The following HS6ST3 variants were observed in gnomAD, a reference collection of about 807,000 sequenced individuals.
HS6ST3 encodes the protein heparan sulfate 6-O-sulfotransferase 3, also known as heparan-sulfate 6-O-sulfotransferase 3.
HS6ST3 carries 12 observed loss-of-function variants against 36.7 expected under a neutral mutation model. That is an observed-to-expected ratio of 0.33 (90% confidence interval 0.21 to 0.53). HS6ST3 has a LOEUF of 0.53. Among genes scored for constraint, HS6ST3 ranks in the 20% least tolerant of loss-of-function variants. The probability of loss-of-function intolerance (pLI) is 0.95; values close to 1 mark genes in which losing one functional copy is unlikely to be tolerated. For missense variants in HS6ST3, 584 were observed against 640.9 expected (o/e 0.91, Z 0.96); for synonymous variants, 240 against 257.5 (o/e 0.93, Z 0.65).
At chr13:96,426,580 C>T (rs1291381674) in intron 1 of HS6ST3, among the ~76,000 whole-genome samples, 1 of 152,228 alleles carries the variant, frequency 6.6e-6, no homozygotes, top group South Asian at 2.1e-4. Flanking sequence ...TTTAAAGGGA[C>T]TAGAGGAAAT....
At chr13:96,670,560 G>A (rs2138430834) in intron 1 of HS6ST3, among the ~76,000 whole-genome samples, 1 of 152,064 alleles carries the variant, frequency 6.6e-6, no homozygotes, top group East Asian at 1.9e-4. Context: ...GGGAGAGGAT[G>A]GAATACAAAC....
intron 1 of HS6ST3, among the ~76,000 whole-genome samples, chr13:96,171,287 C>A (rs2054186508): frequency 6.6e-6 from 1 of 152,182 alleles, no homozygotes; most frequent in South Asian, 2.1e-4. Flanking sequence ...TTCCTCGACC[C>A]TTTCTCACCC....
chr13:96,676,077 A>G (rs1230048053), intron 1 of HS6ST3, among the ~76,000 whole-genome samples: 2 of 152,190 alleles, frequency 1.3e-5, no homozygotes, highest in Admixed American at 1.3e-4. Context: ...TTCTTGGAAC[A>G]GGGTCCCTGT....
chr13:96,404,792 C>T (rs969542214), intron 1 of HS6ST3, among the ~76,000 whole-genome samples: 3 of 152,120 alleles, frequency 2.0e-5, no homozygotes, highest in Non-Finnish European at 4.4e-5. Context: ...AACGCAAGGG[C>T]AGGTGATATG....
intron 1 of HS6ST3, among the ~76,000 whole-genome samples, chr13:96,205,827 G>T (rs1046659674): frequency 2.0e-4 from 30 of 152,054 alleles, no homozygotes; most frequent in African/African-American, 5.8e-4. Flanking sequence ...AATATTAAGA[G>T]CCATATATGA....
intron 1 of HS6ST3, among the ~76,000 whole-genome samples, chr13:96,485,399 G>A (rs1451359523): frequency 6.6e-6 from 1 of 152,044 alleles, no homozygotes; most frequent in Non-Finnish European, 1.5e-5. Context: ...CCATGCTGGT[G>A]TTAGGGAAGC....
chr13:96,758,562 T>C (rs765914651), intron 1 of HS6ST3, among the ~76,000 whole-genome samples: 11 of 151,928 alleles, frequency 7.2e-5, no homozygotes, highest in Non-Finnish European at 1.2e-4. Context: ...TCCCACAAAT[T>C]TTGATGTTTT....
At chr13:96,661,916 T>C (rs956348401) in intron 1 of HS6ST3, among the ~76,000 whole-genome samples, 2 of 152,152 alleles carry the variant, frequency 1.3e-5, no homozygotes, top group African/African-American at 4.8e-5. Context: ...ATATTGAAAA[T>C]AGGATGCCAA....
At chr13:96,769,311 T>G (rs527460776) in intron 1 of HS6ST3, among the ~76,000 whole-genome samples, 4 of 152,216 alleles carry the variant, frequency 2.6e-5, no homozygotes, top group Admixed American at 2.6e-4. Flanking sequence ...ATTTTTTTAT[T>G]ATACTTTAAG....
intron 1 of HS6ST3, among the ~76,000 whole-genome samples, chr13:96,526,316 G>A (rs1021304753): frequency 1.3e-5 from 2 of 152,190 alleles, no homozygotes; most frequent in Non-Finnish European, 2.9e-5. Flanking sequence ...TTTCAAATAA[G>A]TGGGTAGCAT....
intron 1 of HS6ST3, among the ~76,000 whole-genome samples, chr13:96,383,744 A>G (rs1226074617): frequency 6.6e-6 from 1 of 152,158 alleles, no homozygotes; most frequent in Non-Finnish European, 1.5e-5. Flanking sequence ...GGAAGGGGTT[A>G]GTTTTCAAGT....
At chr13:96,453,179 T>TAA (rs1430836482) in intron 1 of HS6ST3, among the ~76,000 whole-genome samples, 1 of 148,888 alleles carries the variant, frequency 6.7e-6, no homozygotes. Flanking sequence ...AATGCTCTTT[T>TAA]TAAAAAAAAA....
intron 1 of HS6ST3, among the ~76,000 whole-genome samples, chr13:96,743,518 T>G (rs776008998): frequency 1.2e-4 from 18 of 152,076 alleles, no homozygotes; most frequent in Non-Finnish European, 2.2e-4. Context: ...CTGCATACTG[T>G]GAGTGAAATC....
intron 1 of HS6ST3, among the ~76,000 whole-genome samples, chr13:96,492,572 A>G (rs566426364): frequency 1.1e-4 from 16 of 152,190 alleles, no homozygotes; most frequent in Non-Finnish European, 1.9e-4. Flanking sequence ...CGGATAGACA[A>G]TCAGTTCCAA....
At chr13:96,680,671 C>T (rs762043135) in intron 1 of HS6ST3, among the ~76,000 whole-genome samples, 3 of 152,168 alleles carry the variant, frequency 2.0e-5, no homozygotes, top group Non-Finnish European at 4.4e-5. Context: ...CTGCCATGGA[C>T]CAACTTGTGA....
intron 1 of HS6ST3, among the ~76,000 whole-genome samples, chr13:96,209,724 G>A (rs2054389374): frequency 6.6e-6 from 1 of 152,004 alleles, no homozygotes; most frequent in Non-Finnish European, 1.5e-5. Flanking sequence ...CCAGCCTAGG[G>A]GGATTGTACT....
At chr13:96,438,816 G>A (rs1164593) in intron 1 of HS6ST3, among the ~76,000 whole-genome samples, 72,056 of 151,950 alleles carry the variant, frequency 0.47, 17,780 homozygotes, top group African/African-American at 0.61. Flanking sequence ...CTGTAATCCT[G>A]GCATTGTGGG....
At chr13:96,154,595 A>C (rs1594696927) in intron 1 of HS6ST3, among the ~76,000 whole-genome samples, 1 of 152,166 alleles carries the variant, frequency 6.6e-6, no homozygotes, top group Non-Finnish European at 1.5e-5. Flanking sequence ...CGCCTCTTAC[A>C]AATCAATAAA....
intron 1 of HS6ST3, among the ~76,000 whole-genome samples, chr13:96,777,740 G>A (rs1046528039): frequency 6.6e-6 from 1 of 151,938 alleles, no homozygotes; most frequent in African/African-American, 2.4e-5. Context: ...TGAAAATGGC[G>A]ATACTGCCCA....
Sources: gnomAD v4.1 joint callset for allele counts (sites outside exome capture counted in the v4.1 genomes callset) on GRCh38, gnomAD v4.1.1 for gene constraint, MANE v1.5 for transcripts, NCBI Gene and HGNC (gene_info 2026-07-23, HGNC 2026-07-21) for gene names.